The following INTS4 variants were observed in gnomAD, a reference collection of about 807,000 sequenced individuals.
The protein encoded by INTS4 is integrator complex subunit 4.
INTS4 carries 70 observed loss-of-function variants against 119.5 expected under a neutral mutation model. That is an observed-to-expected ratio of 0.59 (90% CI 0.48 to 0.71). The LOEUF is 0.71. INTS4 is among the 30% of genes least tolerant of loss of function. The probability of loss-of-function intolerance (pLI) is 0.00; values close to 1 mark genes in which losing one functional copy is unlikely to be tolerated. For synonymous variants in INTS4, 316 were observed against 419.6 expected, an observed-to-expected ratio of 0.75 and a Z score of 3.02; for missense variants, 867 against 1,173.2, an observed-to-expected ratio of 0.74 and a Z score of 3.81.
At chr11:77,908,299 T>C (rs1307659396) in intron 15 of INTS4, among the ~76,000 whole-genome samples, 2 of 151,570 alleles carry the variant, frequency 1.3e-5, no homozygotes, top group Non-Finnish European at 2.9e-5. Flanking sequence ...TACATAGGTA[T>C]ACACGCGTCA....
At chr11:77,953,653 G>A (rs1408672868) in intron 8 of INTS4, among the ~76,000 whole-genome samples, 3 of 150,562 alleles carry the variant, frequency 2.0e-5, no homozygotes, top group Admixed American at 6.6e-5. Flanking sequence ...GCACAATCTC[G>A]GCTCACTGCA....
At chr11:77,975,526 T>C (rs1043809771) in intron 4 of INTS4, among the ~76,000 whole-genome samples, 4 of 151,934 alleles carry the variant, frequency 2.6e-5, no homozygotes, top group African/African-American at 4.8e-5. Context: ...CATTGTATGA[T>C]AGTCATAAAC....
intron 3 of INTS4, among the ~76,000 whole-genome samples, chr11:77,980,004 GA>G (rs71046935): frequency 0.61 from 83,795 of 138,080 alleles, 25,685 homozygotes; most frequent in African/African-American, 0.7. Flanking sequence ...AGAAGAAACA[GA>G]AAAAAAAAAA....
At chr11:77,992,361 A>G (rs866884697) in intron 1 of INTS4, among the ~76,000 whole-genome samples, 3 of 152,220 alleles carry the variant, frequency 2.0e-5, no homozygotes, top group Non-Finnish European at 2.9e-5. Flanking sequence ...ACTGCACACC[A>G]GTTTGGGCGA....
chr11:77,884,830 C>T (rs189525770), intron 21 of INTS4: 91 of 405,570 alleles, frequency 2.2e-4, no homozygotes, highest in African/African-American at 1.8e-3. Context: ...TCATAACTCA[C>T]TGAAGCCTCA....
At chr11:77,966,042 A>T (rs193010483) in intron 4 of INTS4, among the ~76,000 whole-genome samples, 8 of 152,274 alleles carry the variant, frequency 5.3e-5, no homozygotes, top group East Asian at 1.9e-4. Flanking sequence ...CATCTCACTT[A>T]ATTTGCATTT....
rs1024264057 is a variant in INTS4, at chr11:77,964,403, T to TA, written c.472-3266dup. On this transcript the variant is annotated intron_variant, in intron 4 of 22. Coordinates refer to ENST00000534064, the MANE Select transcript of INTS4 (RefSeq NM_033547.4). ...TAACATGGTGAAACCCCATCTCTAC[T>TA]AAAAAAAAAATACAAAAAAAATTAG... Among the ~76,000 whole-genome samples the TA allele has an allele frequency of 6.5e-3, 940 of 145,710 alleles. 6 individuals are homozygous for TA. Among genetic ancestry groups the TA allele is most frequent in the African/African-American group, 0.02 (812 of 39,942 alleles).
intron 18 of INTS4, chr11:77,900,557 T>C: frequency 1.5e-6 from 1 of 671,876 alleles, no homozygotes; most frequent in Non-Finnish European, 2.7e-6. Flanking sequence ...GGCACTTTTT[T>C]TTTTTTGACA....
Position 77,933,802 on chromosome 11 carries a change from CCG to C in INTS4, c.1165+4847_1165+4848del, listed in dbSNP as rs1474981556. 9.2e-5 allele frequency among the ~76,000 whole-genome samples: 14 copies of C among 151,922 alleles called. No individual in the cohort carries two copies. In the East Asian group the frequency reaches 2.7e-3, roughly 30 times the overall value. On this transcript the variant is annotated intron_variant, in intron 10 of 22. Transcript: ENST00000534064. Reference sequence around the variant, plus strand: ...GGAGCGTCTCCGCCCGGCAGCCGCCCCGTCCGGGAGGTGGGGGGCGCCTCTGC... The same window carrying C: ...GGAGCGTCTCCGCCCGGCAGCCGCCCTCCGGGAGGTGGGGGGCGCCTCTGC...
At chr11:77,968,157 A>G (rs1486456938) in intron 4 of INTS4, among the ~76,000 whole-genome samples, 1 of 152,166 alleles carries the variant, frequency 6.6e-6, no homozygotes, top group Non-Finnish European at 1.5e-5. Context: ...TTATGGGACC[A>G]CTGTTGTATA....
At chr11:77,920,703 T>C (rs1040208402) in intron 14 of INTS4, among the ~76,000 whole-genome samples, 2 of 151,510 alleles carry the variant, frequency 1.3e-5, no homozygotes, top group African/African-American at 2.4e-5. Flanking sequence ...ATACAAAAAA[T>C]TAGCCGGGCG....
chr11:77,921,887 C>T (rs1169609831), intron 13 of INTS4, among the ~76,000 whole-genome samples: 3 of 151,840 alleles, frequency 2.0e-5, no homozygotes, highest in African/African-American at 7.3e-5. Context: ...AAAAATTAGC[C>T]GGGAGTGGTG....
At chr11:77,909,352 G>A (rs1238005591) in intron 15 of INTS4, among the ~76,000 whole-genome samples, 2 of 152,200 alleles carry the variant, frequency 1.3e-5, no homozygotes, top group East Asian at 1.9e-4. Context: ...ATAAACAACC[G>A]AAATTTATTT....
intron 11 of INTS4, among the ~76,000 whole-genome samples, chr11:77,926,859 G>T: frequency 6.6e-6 from 1 of 150,450 alleles, no homozygotes; most frequent in African/African-American, 2.4e-5. Context: ...GGAAAGGAAA[G>T]GAAAAGAAAA....
In INTS4 at chr11:77,939,693, A is replaced by C. The variant is rs189892837; in HGVS notation, c.991-868T>G. On this transcript the variant is annotated intron_variant, in intron 9 of 22. Coordinates refer to ENST00000534064, the MANE Select transcript of INTS4 (RefSeq NM_033547.4). ...AACCCCATCTCTAAAAAACTACAAA[A>C]AATTAGCCGGGTGTGGTGGTACACA... Among the ~76,000 whole-genome samples, 37 of 151,878 alleles carry C rather than the reference A, an allele frequency of 2.4e-4. No individual in the cohort carries two copies. In the Middle Eastern group the frequency reaches 0.014, roughly 56 times the overall value.
chr11:77,906,756 T>A (rs1952964369), intron 16 of INTS4, among the ~76,000 whole-genome samples: 1 of 152,232 alleles, frequency 6.6e-6, no homozygotes. Flanking sequence ...AAAATAACTT[T>A]TGACTCCCTG....
chr11:77,994,521 A>G (rs1856823247), intron 1 of INTS4, 69 bp downstream of exon 1: 1 of 1,275,596 alleles, frequency 7.8e-7, no homozygotes, highest in Admixed American at 1.7e-5. Context: ...CTGTTCCGGC[A>G]AAGTGCCTGG....
At chr11:77,982,128 C>T (rs11237342) in intron 2 of INTS4, among the ~76,000 whole-genome samples, 14,611 of 149,644 alleles carry the variant, frequency 0.098, 972 homozygotes, top group Non-Finnish European at 0.15. Flanking sequence ...ATCTTTCATT[C>T]TACCTGTCTT....
In INTS4 at chr11:77,884,009, GGA is replaced by G. The variant is rs1191235995; in HGVS notation, c.2593-59_2593-58del. On this transcript the variant is annotated intron_variant, in intron 21 of 22. Coordinates refer to ENST00000534064, the MANE Select transcript of INTS4 (RefSeq NM_033547.4). ...AAGCGAGAGGAGCATTTAACAAAATGGATGATGACATCTGTTGTGAACCTCAA... is the reference window on the plus strand; with the variant it reads ...AAGCGAGAGGAGCATTTAACAAAATGTGATGACATCTGTTGTGAACCTCAA... The G allele has an allele frequency of 2.5e-4, 386 of 1,561,286 alleles. 1 individual carries two copies. In the African/African-American group the frequency reaches 4.2e-3, roughly 17 times the overall value.
Sources: gnomAD v4.1 joint callset for allele counts (sites outside exome capture counted in the v4.1 genomes callset) on GRCh38, gnomAD v4.1.1 for gene constraint, MANE v1.5 for transcripts, NCBI Gene and HGNC (gene_info 2026-07-23, HGNC 2026-07-21) for gene names.